The following DLC1 variants were observed in gnomAD, a reference collection of about 807,000 sequenced individuals.
DLC1 encodes the protein rho GTPase-activating protein 7.
A neutral mutation model predicts 140.3 loss-of-function variants in DLC1; 54 were observed. The ratio of observed to expected loss-of-function variants is 0.38; its 90% confidence interval spans 0.31 to 0.48. The LOEUF is 0.48. Among genes scored for constraint, DLC1 ranks in the 20% least tolerant of loss-of-function variants. DLC1 has a pLI of 0.96. For missense variants in DLC1, 2,536 were observed against 1,907.0 expected (o/e 1.33, Z -6.14); for synonymous variants, 986 against 728.1 (o/e 1.35, Z -5.70).
At chr8:13,569,189 A>G (rs1210586776) in intron 1 of DLC1, among the ~76,000 whole-genome samples, 1 of 152,220 alleles carries the variant, frequency 6.6e-6, no homozygotes, top group African/African-American at 2.4e-5. Context: ...CTATAAAAAT[A>G]TAAAACCATG....
chr8:13,131,894 A>G (rs1205597025), intron 5 of DLC1, among the ~76,000 whole-genome samples: 2 of 152,114 alleles, frequency 1.3e-5, no homozygotes, highest in East Asian at 3.9e-4. Context: ...TGTGCGCTGA[A>G]GGACGCTCGC....
At chr8:13,098,342 G>A in intron 10 of DLC1, 57 bp downstream of exon 10, 1 of 1,597,014 alleles carries the variant, frequency 6.3e-7, no homozygotes. Context: ...ACAACCTCAA[G>A]GAACTGACCA....
At chr8:13,311,017 A>T (rs1412067887) in intron 4 of DLC1, among the ~76,000 whole-genome samples, 1 of 152,210 alleles carries the variant, frequency 6.6e-6, no homozygotes, top group Non-Finnish European at 1.5e-5. Flanking sequence ...AATAATAGAC[A>T]TGCATACATT....
chr8:13,143,758 A>AT (rs1823195312), intron 5 of DLC1, among the ~76,000 whole-genome samples: 1 of 150,872 alleles, frequency 6.6e-6, no homozygotes, highest in South Asian at 2.1e-4. Flanking sequence ...TTTGGCTACA[A>AT]TGTAAGAAGT....
chr8:13,225,349 A>T (rs1007700858), intron 5 of DLC1, among the ~76,000 whole-genome samples: 1 of 152,120 alleles, frequency 6.6e-6, no homozygotes, highest in African/African-American at 2.4e-5. Flanking sequence ...AAGTCAAGAG[A>T]TTTGTCAGAG....
At chr8:13,124,329 C>A (rs1343218220) in intron 5 of DLC1, among the ~76,000 whole-genome samples, 1 of 152,058 alleles carries the variant, frequency 6.6e-6, no homozygotes, top group Non-Finnish European at 1.5e-5. Context: ...AACTGGATTG[C>A]AGGAGAGGGG....
intron 5 of DLC1, among the ~76,000 whole-genome samples, chr8:13,152,269 C>T (rs1321374356): frequency 2.0e-5 from 3 of 152,186 alleles, no homozygotes. Context: ...CTAGTCATTG[C>T]TAATGGTGGT....
intron 2 of DLC1, among the ~76,000 whole-genome samples, chr8:13,402,015 A>T (rs1229839768): frequency 3.3e-5 from 5 of 152,180 alleles, no homozygotes; most frequent in African/African-American, 1.2e-4. Context: ...AGGGATGCAT[A>T]TGAGATTATA....
chr8:13,559,868 C>G (rs1052439633), intron 1 of DLC1, among the ~76,000 whole-genome samples: 4 of 152,146 alleles, frequency 2.6e-5, no homozygotes, highest in African/African-American at 9.7e-5. Flanking sequence ...TTCCTAGATT[C>G]CAAGGTCAGT....
chr8:13,293,348 T>C (rs1183666052), intron 5 of DLC1, among the ~76,000 whole-genome samples: 2 of 152,196 alleles, frequency 1.3e-5, no homozygotes. Flanking sequence ...CCCATGAATC[T>C]TAAAGATGTA....
intron 4 of DLC1, among the ~76,000 whole-genome samples, chr8:13,384,557 A>G (rs543791294): frequency 5.0e-5 from 6 of 119,650 alleles, no homozygotes; most frequent in Non-Finnish European, 1.0e-4. Context: ...CTAAACGTTC[A>G]TCTTCTAAAA....
intron 2 of DLC1, among the ~76,000 whole-genome samples, chr8:13,466,536 T>C (rs895884050): frequency 6.6e-6 from 1 of 152,150 alleles, no homozygotes; most frequent in African/African-American, 2.4e-5. Flanking sequence ...GTGGGAGAGA[T>C]ACCTGGTCAC....
intron 5 of DLC1, among the ~76,000 whole-genome samples, chr8:13,296,215 CA>C (rs1375082138): frequency 6.6e-6 from 1 of 151,994 alleles, no homozygotes; most frequent in Non-Finnish European, 1.5e-5. Flanking sequence ...CTCGGCCTCC[CA>C]AAGTGCTGTA....
chr8:13,127,541 C>T (rs999982360), intron 5 of DLC1, among the ~76,000 whole-genome samples: 3 of 152,182 alleles, frequency 2.0e-5, no homozygotes, highest in Non-Finnish European at 4.4e-5. Context: ...ATGGTTTCTC[C>T]AGAATCAGGA....
rs1831182862 is a variant in DLC1 at position 13,276,616 on chromosome 8, G to A, written c.1348+28653C>T. The A allele has an allele frequency of 5.7e-6, 7 of 1,231,524 alleles. No homozygotes were observed. The East Asian group carries it at 2.4e-4, about 43-fold the overall frequency. The allele number at this position is 1,231,524 out of a possible 1,614,324, so 76.3% of individuals were successfully genotyped here. A position where few individuals can be genotyped will look rare whatever the true frequency, so the allele number is the denominator to read the frequency against. ...ATCTGGAAAGACTTACCCTGCGCCG[G>A]CGACACCCTCGCGGGGCGCGCGAGC... On this transcript the variant is annotated intron_variant, in intron 5 of 17. Coordinates refer to ENST00000276297, the MANE Select transcript of DLC1 (RefSeq NM_182643.3).
intron 1 of DLC1, among the ~76,000 whole-genome samples, chr8:13,546,237 G>T (rs576794480): frequency 1.3e-5 from 2 of 152,102 alleles, no homozygotes; most frequent in East Asian, 1.9e-4. Flanking sequence ...AAATACTCAT[G>T]GAATTTTATG....
chr8:13,288,163 A>G (rs1035975141), intron 5 of DLC1, among the ~76,000 whole-genome samples: 1 of 152,176 alleles, frequency 6.6e-6, no homozygotes, highest in African/African-American at 2.4e-5. Flanking sequence ...ATGTATACTT[A>G]TTAAAAGTTT....
intron 5 of DLC1, among the ~76,000 whole-genome samples, chr8:13,257,601 T>A (rs575401850): frequency 1.5e-3 from 228 of 152,208 alleles, no homozygotes; most frequent in Non-Finnish European, 2.5e-3. Context: ...TCTCGACTAA[T>A]AAAATGTTTG....
intron 5 of DLC1, among the ~76,000 whole-genome samples, chr8:13,240,448 G>C (rs1318795817): frequency 6.6e-6 from 1 of 152,010 alleles, no homozygotes; most frequent in Non-Finnish European, 1.5e-5. Context: ...TCTGAGACAG[G>C]GTCTCTCTCT....
Sources: gnomAD v4.1 joint callset for allele counts (sites outside exome capture counted in the v4.1 genomes callset) on GRCh38, gnomAD v4.1.1 for gene constraint, MANE v1.5 for transcripts, NCBI Gene and HGNC (gene_info 2026-07-23, HGNC 2026-07-21) for gene names.